Variants in AKR1D1 observed in about 807,000 individuals in gnomAD.
AKR1D1 encodes the protein delta(4)-3-ketosteroid 5-beta-reductase.
A neutral mutation model predicts 42.6 loss-of-function variants in AKR1D1; 32 were observed. The observed-to-expected ratio is 0.75, with a 90% confidence interval of 0.57 to 1.01. AKR1D1 has a LOEUF of 1.01. Among genes scored for constraint, AKR1D1 ranks in the 50% least tolerant of loss-of-function variants. The pLI, the probability that AKR1D1 is intolerant of heterozygous loss-of-function variation, is 0.00. For synonymous variants in AKR1D1, 123 were observed against 135.5 expected (o/e 0.91, Z 0.64); for missense variants, 364 against 402.2 (o/e 0.91, Z 0.81).
intron 1 of AKR1D1, among the ~76,000 whole-genome samples, chr7:138,086,402 GTTAT>G (rs1165291874): frequency 6.6e-6 from 1 of 151,958 alleles, no homozygotes; most frequent in Non-Finnish European, 1.5e-5. Flanking sequence ...TAATCATGTT[GTTAT>G]TTAATTAACC....
At chr7:138,112,426 G>GAAT (rs1251790702) in intron 7 of AKR1D1, among the ~76,000 whole-genome samples, 7 of 152,152 alleles carry the variant, frequency 4.6e-5, no homozygotes, top group African/African-American at 7.2e-5. Flanking sequence ...TCTACACAAT[G>GAAT]AATACCATGG....
intron 8 of AKR1D1, among the ~76,000 whole-genome samples, chr7:138,115,316 C>A (rs544275483): frequency 6.6e-6 from 1 of 152,256 alleles, no homozygotes; most frequent in South Asian, 2.1e-4. Context: ...GTGGCATGCA[C>A]CTGTAGTACT....
At chr7:138,111,560 G>T (rs1794537747) in intron 7 of AKR1D1, among the ~76,000 whole-genome samples, 1 of 152,210 alleles carries the variant, frequency 6.6e-6, no homozygotes, top group Non-Finnish European at 1.5e-5. Context: ...TGTAGGGGAA[G>T]CAGTTTGAGA....
intron 7 of AKR1D1, among the ~76,000 whole-genome samples, chr7:138,113,356 T>A (rs1360094587): frequency 6.6e-6 from 1 of 152,124 alleles, no homozygotes; most frequent in Non-Finnish European, 1.5e-5. Context: ...CAGAATTTTT[T>A]AAGTGTAAGA....
At chr7:138,110,167 G>T (rs1355130151) in intron 7 of AKR1D1, among the ~76,000 whole-genome samples, 17 of 151,972 alleles carry the variant, frequency 1.1e-4, no homozygotes, top group Non-Finnish European at 1.5e-5. Flanking sequence ...AATAAATTAT[G>T]CTCTCTTAGA....
chr7:138,105,182 T>TC, intron 4 of AKR1D1, 125 bp from the exon 5 acceptor site: 1 of 1,362,650 alleles, frequency 7.3e-7, no homozygotes, highest in Non-Finnish European at 1.0e-6. Context: ...TTACTTTTTT[T>TC]CGCAAGATGC....
intron 8 of AKR1D1, 89 bp from the exon 9 acceptor site, chr7:138,116,531 G>T: frequency 7.3e-7 from 1 of 1,368,702 alleles, no homozygotes. Context: ...AGGGGTAGTG[G>T]TCAGTGAAAT....
At chr7:138,106,780 T>C (rs1794443656) in intron 6 of AKR1D1, 63 bp downstream of exon 6, 5 of 1,285,986 alleles carry the variant, frequency 3.9e-6, no homozygotes, top group African/African-American at 1.5e-5. Flanking sequence ...TGAACTACTG[T>C]ATTTGATTGG....
At chr7:138,105,770 C>T (rs2117460922) in intron 5 of AKR1D1, among the ~76,000 whole-genome samples, 1 of 152,172 alleles carries the variant, frequency 6.6e-6, no homozygotes, top group African/African-American at 2.4e-5. Context: ...GCCTGTAATC[C>T]TAGCTACTCA....
intron 1 of AKR1D1, among the ~76,000 whole-genome samples, 175 bp from the exon 2 acceptor site, chr7:138,088,426 C>A (rs1033985060): frequency 6.6e-6 from 1 of 152,090 alleles, no homozygotes; most frequent in African/African-American, 2.4e-5. Context: ...AGCGGAGGCC[C>A]CTGGGAGGTC....
At chr7:138,100,783 C>T (rs1794289398) in intron 4 of AKR1D1, among the ~76,000 whole-genome samples, 1 of 138,608 alleles carries the variant, frequency 7.2e-6, no homozygotes, top group Non-Finnish European at 1.5e-5. Context: ...CAGCTCACTG[C>T]AAGCTCCACC....
chr7:138,099,340 A>G (rs938163048), intron 4 of AKR1D1, among the ~76,000 whole-genome samples: 1 of 152,242 alleles, frequency 6.6e-6, no homozygotes, highest in Non-Finnish European at 1.5e-5. Context: ...GTTTCACAAG[A>G]AGACAATACA....
At chr7:138,086,250 T>C (rs988681623) in intron 1 of AKR1D1, among the ~76,000 whole-genome samples, 2 of 152,156 alleles carry the variant, frequency 1.3e-5, no homozygotes, top group African/African-American at 4.8e-5. Context: ...AGTAGATGTT[T>C]ATTTTCTTCC....
intron 7 of AKR1D1, among the ~76,000 whole-genome samples, chr7:138,113,068 G>A (rs992859172): frequency 3.3e-5 from 5 of 152,340 alleles, no homozygotes; most frequent in South Asian, 2.1e-4. Context: ...TGTAATTGCA[G>A]CACTTTGGGA....
chr7:138,084,103 T>C (rs935447583), intron 1 of AKR1D1, among the ~76,000 whole-genome samples: 1 of 152,100 alleles, frequency 6.6e-6, no homozygotes, highest in Non-Finnish European at 1.5e-5. Flanking sequence ...GAGGTGGCCA[T>C]AGCCTGTTAG....
In AKR1D1 at chr7:138,116,678, GA is replaced by G. The variant is rs766113984; in HGVS notation, c.*18del. 3.3e-5 allele frequency: 53 copies of G among 1,613,772 alleles called. No homozygotes were observed. The highest frequency in any genetic ancestry group is 4.4e-5 in the Non-Finnish European group (52 of 1,179,858). On this transcript the variant is annotated 3_prime_UTR_variant, in exon 9 of 9. Transcript: ENST00000242375. The stretch of plus-strand genomic sequence containing the variant: ...TGAATACTGACTGCAGGGAGTTCCT[GA>G]ACAGATTTTTCACTCCCACGAGTGC...
chr7:138,109,886 T>C (rs1303967021), intron 7 of AKR1D1, among the ~76,000 whole-genome samples: 2 of 152,194 alleles, frequency 1.3e-5, no homozygotes, highest in Non-Finnish European at 2.9e-5. Flanking sequence ...ATTTGGACTT[T>C]ATAGCATCTA....
At chr7:138,107,101 G>A (rs901525765) in intron 6 of AKR1D1, 7 of 549,550 alleles carry the variant, frequency 1.3e-5, no homozygotes, top group African/African-American at 1.1e-4. Flanking sequence ...GATTCCAAAA[G>A]TTGTGTCTCT....
chr7:138,100,011 A>G (rs1252977331), intron 4 of AKR1D1, among the ~76,000 whole-genome samples: 1 of 147,950 alleles, frequency 6.8e-6, no homozygotes, highest in Non-Finnish European at 1.5e-5. Flanking sequence ...CCAAGAGTTC[A>G]AGGCCACAGT....
Sources: gnomAD v4.1 joint callset for allele counts (sites outside exome capture counted in the v4.1 genomes callset) on GRCh38, gnomAD v4.1.1 for gene constraint, MANE v1.5 for transcripts, NCBI Gene and HGNC (gene_info 2026-07-23, HGNC 2026-07-21) for gene names.